Variants in UTRN observed in about 807,000 individuals in gnomAD.
The protein encoded by UTRN is utrophin.
In UTRN, 283 loss-of-function variants were observed where a neutral mutation model predicts 463.9. That is an observed-to-expected ratio of 0.61 (90% CI 0.55 to 0.67). The LOEUF (loss-of-function observed/expected upper bound fraction) is 0.67, where lower values mean the gene tolerates loss of function less well. Among genes scored for constraint, UTRN ranks in the 30% least tolerant of loss-of-function variants. The pLI is 0.00. For synonymous variants in UTRN, 1,442 were observed against 1,431.5 expected, an observed-to-expected ratio of 1.01 and a Z score of -0.17; for missense variants, 3,922 against 4,084.3, an observed-to-expected ratio of 0.96 and a Z score of 1.08.
Position 144,390,884 on chromosome 6 carries a change from A to G in UTRN, c.80-12239A>G, listed in dbSNP as rs149167741. On this transcript the variant is annotated intron_variant, in intron 2 of 74. Transcript: ENST00000367545. ...GGCCACTGGACCACAGCTTCCTTGA[A>G]AGCAACATCTGGATCTCTTTTGGGA... is the stretch of plus-strand genomic sequence containing the variant. Among the ~76,000 whole-genome samples the G allele has an allele frequency of 3.3e-3, 510 of 152,316 alleles. 3 individuals are homozygous for G. The highest frequency in any genetic ancestry group is 0.014 in the Middle Eastern group (4 of 294).
At chr6:144,439,669 T>C (rs1395186593) in intron 12 of UTRN, among the ~76,000 whole-genome samples, 2 of 152,098 alleles carry the variant, frequency 1.3e-5, no homozygotes, top group African/African-American at 4.8e-5. Flanking sequence ...ATTTTTTGTA[T>C]TTTTTGTATT....
chr6:144,427,242 A>G (rs986595197), intron 7 of UTRN, among the ~76,000 whole-genome samples: 7 of 152,174 alleles, frequency 4.6e-5, no homozygotes, highest in South Asian at 2.1e-4. Flanking sequence ...ACCACACTAA[A>G]AAAAAAATAA....
At chr6:144,345,275 A>G (rs1383362004) in intron 2 of UTRN, among the ~76,000 whole-genome samples, 1 of 152,204 alleles carries the variant, frequency 6.6e-6, no homozygotes, top group Non-Finnish European at 1.5e-5. Context: ...AACAAGTGGC[A>G]TAGGAGACTG....
intron 43 of UTRN, among the ~76,000 whole-genome samples, chr6:144,536,292 G>A (rs1356566450): frequency 6.6e-6 from 1 of 152,112 alleles, no homozygotes; most frequent in Non-Finnish European, 1.5e-5. Context: ...TCATGATCTT[G>A]AAACATTGGA....
In UTRN at chr6:144,516,388, G is replaced by T; in HGVS notation, c.5403+1G>T. 6.2e-7 allele frequency: 1 copy of T among 1,611,932 alleles called. No homozygotes were observed. Among genetic ancestry groups the T allele is most frequent in the Non-Finnish European group, 8.5e-7 (1 of 1,179,424 alleles). On this transcript the variant is annotated splice_donor_variant, in intron 38 of 74. Transcript: ENST00000367545. LOFTEE classifies it high-confidence loss of function. The stretch of plus-strand genomic sequence containing the variant: ...GGAATCCAGTGATGAAGATGAAAAG[G>T]TTGGTTCAAGGAGATTTCAAAACCA...
At chr6:144,564,669 G>C (rs1356478628) in intron 50 of UTRN, among the ~76,000 whole-genome samples, 1 of 152,144 alleles carries the variant, frequency 6.6e-6, no homozygotes, top group Non-Finnish European at 1.5e-5. Flanking sequence ...GAGAATTGCT[G>C]AGTGAAGGGG....
intron 53 of UTRN, among the ~76,000 whole-genome samples, chr6:144,728,024 T>C (rs1310751772): frequency 4.7e-5 from 7 of 147,822 alleles, no homozygotes; most frequent in Non-Finnish European, 8.9e-5. Flanking sequence ...CACTTGAACC[T>C]GAGAGGCAGA....
At chr6:144,751,423 C>G (rs1791380890) in intron 55 of UTRN, among the ~76,000 whole-genome samples, 1 of 152,022 alleles carries the variant, frequency 6.6e-6, no homozygotes, top group Non-Finnish European at 1.5e-5. Flanking sequence ...TACTGAAGAC[C>G]TGAATTAAGT....
chr6:144,495,604 G>A (rs1793564745), intron 33 of UTRN, among the ~76,000 whole-genome samples: 1 of 152,230 alleles, frequency 6.6e-6, no homozygotes, highest in Non-Finnish European at 1.5e-5. Context: ...TGCAGCGGTG[G>A]GCTGAAGAGC....
intron 53 of UTRN, among the ~76,000 whole-genome samples, chr6:144,710,142 T>G (rs1785522575): frequency 2.0e-5 from 3 of 152,240 alleles, no homozygotes; most frequent in African/African-American, 7.2e-5. Flanking sequence ...TTTAAATGTT[T>G]AGGTGATGGC....
chr6:144,303,202 G>A (rs951870560), intron 2 of UTRN, among the ~76,000 whole-genome samples: 13 of 152,312 alleles, frequency 8.5e-5, no homozygotes, highest in African/African-American at 3.1e-4. Context: ...CTGAGCAGGG[G>A]AAAGGATGTG....
chr6:144,488,856 CT>C, intron 30 of UTRN, 22 bp downstream of exon 30: 1 of 1,564,810 alleles, frequency 6.4e-7, no homozygotes, highest in Non-Finnish European at 8.7e-7. Flanking sequence ...CATTTGAGGG[CT>C]TTTGAGCTGT....
intron 10 of UTRN, among the ~76,000 whole-genome samples, chr6:144,436,959 A>ATT (rs202190574): frequency 1.4e-5 from 2 of 140,668 alleles, no homozygotes; most frequent in East Asian, 2.0e-4. Flanking sequence ...TATATTTATA[A>ATT]TTTTTTTTTT....
At chr6:144,539,041 C>T (rs531924872) in intron 44 of UTRN, among the ~76,000 whole-genome samples, 5 of 152,136 alleles carry the variant, frequency 3.3e-5, no homozygotes, top group South Asian at 4.2e-4. Flanking sequence ...ATATATGACC[C>T]GGTTAAGAGA....
In UTRN at chr6:144,759,467, G is replaced by C. The variant is rs1792391908; in HGVS notation, c.8495+1478G>C. 2.0e-5 allele frequency among the ~76,000 whole-genome samples: 3 copies of C among 151,992 alleles called. No individual in the cohort carries two copies. In the South Asian group the frequency reaches 6.2e-4, roughly 32 times the overall value. The stretch of plus-strand genomic sequence containing the variant: ...GATATAAATCTGATGTACTGTGGTA[G>C]GCAAAATAATAACTGCTCCCAACCC... On this transcript the variant is annotated intron_variant, in intron 58 of 74. Transcript: ENST00000367545.
chr6:144,462,955 T>C, intron 23 of UTRN, 89 bp downstream of exon 23: 1 of 1,092,784 alleles, frequency 9.2e-7, no homozygotes, highest in Non-Finnish European at 1.3e-6. Context: ...ATTTAAATAT[T>C]TTACATTCTT....
intron 2 of UTRN, among the ~76,000 whole-genome samples, chr6:144,343,379 C>G (rs1368216702): frequency 6.8e-6 from 1 of 146,622 alleles, no homozygotes; most frequent in Non-Finnish European, 1.5e-5. Flanking sequence ...CACACACACA[C>G]ACACACACAC....
At chr6:144,578,152 A>G (rs1373698467) in intron 51 of UTRN, among the ~76,000 whole-genome samples, 1 of 152,102 alleles carries the variant, frequency 6.6e-6, no homozygotes, top group African/African-American at 2.4e-5. Flanking sequence ...GCAGTCAGCC[A>G]AGATCGCACT....
At chr6:144,726,559 A>G (rs1420949890) in intron 53 of UTRN, among the ~76,000 whole-genome samples, 2 of 152,188 alleles carry the variant, frequency 1.3e-5, no homozygotes, top group Non-Finnish European at 2.9e-5. Flanking sequence ...CTTATATTTT[A>G]TCTAAGAGAG....
Sources: gnomAD v4.1 joint callset for allele counts (sites outside exome capture counted in the v4.1 genomes callset) on GRCh38, gnomAD v4.1.1 for gene constraint, MANE v1.5 for transcripts, NCBI Gene and HGNC (gene_info 2026-07-23, HGNC 2026-07-21) for gene names.